COL10A1: variants seen among roughly 807,000 people sequenced by gnomAD.
COL10A1 encodes the protein collagen alpha-1(X) chain.
In COL10A1, 10 loss-of-function variants were observed where a neutral mutation model predicts 18.2. That is an observed-to-expected ratio of 0.55 (90% CI 0.34 to 0.93). COL10A1 has a LOEUF of 0.93. Ranked by LOEUF, COL10A1 falls within the 40% of genes least tolerant of loss-of-function variation. COL10A1 has a pLI of 0.02. For missense variants in COL10A1, 897 were observed against 853.5 expected (o/e 1.05, Z -0.64); for synonymous variants, 330 against 316.6 (o/e 1.04, Z -0.45).
the COL10A1 span, among the ~76,000 whole-genome samples, chr6:116,215,781 T>C: frequency 1.3e-5 from 2 of 152,230 alleles, no homozygotes; most frequent in South Asian, 4.1e-4. Flanking sequence ...CAATATGGCG[T>C]GGTGGGATTG....
chr6:116,126,909 T>C (rs973661168), upstream of COL10A1, among the ~76,000 whole-genome samples: 1 of 152,178 alleles, frequency 6.6e-6, no homozygotes, highest in African/African-American at 2.4e-5. Flanking sequence ...AGAAACACTT[T>C]CCCTCAAAGG....
Position 116,131,366 on chromosome 6 carries a change from T to G in COL10A1, c.-15-5859A>C, listed in dbSNP as rs559454099. Among the ~76,000 whole-genome samples, 3 of 152,344 alleles carry G rather than the reference T, an allele frequency of 2.0e-5. No homozygotes were observed. In the East Asian group the frequency reaches 5.8e-4, roughly 29 times the overall value. On this transcript the variant is annotated intron_variant, in intron 1 of 1. Coordinates refer to the COL10A1 transcript ENST00000418500. Reference sequence around the variant, plus strand: ...CTGTATGTAACTATTTTTAAAACATTGTTTTGATTTATCCTTTTTATTAAA... The same window carrying G: ...CTGTATGTAACTATTTTTAAAACATGGTTTTGATTTATCCTTTTTATTAAA...
rs1779270271 is a variant in COL10A1 at position 116,125,452 on chromosome 6, T to G, written c.41A>C (p.Asn14Thr). The part of the protein sequence containing the change: ...QIPFLLLVSL[N>T]LVHGVFYAER... ...AGCGTAAAACACTCCATGAACCAAG[T>G]TCAAGGATACTAGCAGCAAAAAGGG... Residue 14 changes from asparagine to threonine, a missense_variant, in exon 2 of 3, where the codon AAC becomes ACC. Coordinates refer to ENST00000651968, the MANE Select transcript of COL10A1 (RefSeq NM_000493.4). The G allele has an allele frequency of 6.2e-7, 1 of 1,613,796 alleles. No homozygotes were observed. The highest frequency in any genetic ancestry group is 1.7e-5 in the Admixed American group (1 of 59,996).
chr6:116,125,612 C>A, intron 1 of COL10A1, 105 bp from the exon 2 acceptor site: 1 of 977,572 alleles, frequency 1.0e-6, no homozygotes, highest in Non-Finnish European at 1.5e-6. Flanking sequence ...ACTTTTTTAA[C>A]CTATCCTATA....
At chr6:116,167,206 ATTTTTTTTTTTTTTT>A in the COL10A1 span, among the ~76,000 whole-genome samples, 1 of 87,816 alleles carries the variant, frequency 1.1e-5, no homozygotes, top group South Asian at 4.0e-4. Context: ...CAAATAGAAG[ATTTTTTTTTTTTTTT>A]TTTTTTTTTT....
the COL10A1 span, among the ~76,000 whole-genome samples, chr6:116,206,473 G>A: frequency 6.6e-6 from 1 of 151,930 alleles, no homozygotes; most frequent in Non-Finnish European, 1.5e-5. Context: ...TCTGATTTGG[G>A]TCCATACCAC....
At chr6:116,122,006 A>G (rs984928515) in intron 2 of COL10A1, 45 bp from the exon 3 acceptor site, 1 of 1,522,958 alleles carries the variant, frequency 6.6e-7, no homozygotes, top group Admixed American at 1.7e-5. Flanking sequence ...GGGGATGGTT[A>G]GTGACATTAA....
chr6:116,166,759 G>C, the COL10A1 span, among the ~76,000 whole-genome samples: 9 of 152,064 alleles, frequency 5.9e-5, no homozygotes, highest in African/African-American at 1.9e-4. Flanking sequence ...CTTTTATCTA[G>C]TAGTTACTTA....
chr6:116,122,079 G>T, intron 2 of COL10A1, 118 bp from the exon 3 acceptor site: 3 of 927,668 alleles, frequency 3.2e-6, no homozygotes, highest in Non-Finnish European at 3.5e-6. Context: ...TTTATTCCAT[G>T]TAGACAGAAC....
chr6:116,135,791 T>C (rs1397768501), intron 1 of COL10A1, among the ~76,000 whole-genome samples: 1 of 146,130 alleles, frequency 6.8e-6, no homozygotes, highest in African/African-American at 2.5e-5. Context: ...TTATAAGTGA[T>C]AAATTAAAAG....
chr6:116,152,376 G>A (rs1318293317), intron 1 of COL10A1, among the ~76,000 whole-genome samples: 3 of 151,954 alleles, frequency 2.0e-5, no homozygotes, highest in Non-Finnish European at 4.4e-5. Flanking sequence ...TCACCGTGAG[G>A]TAGATTCCCT....
At chr6:116,129,813 A>G (rs1342331151), upstream of COL10A1, among the ~76,000 whole-genome samples, 1 of 152,154 alleles carries the variant, frequency 6.6e-6, no homozygotes, top group Non-Finnish European at 1.5e-5. Context: ...CATCTGTCTC[A>G]TGCAATTTCC....
chr6:116,196,343 T>C, the COL10A1 span, among the ~76,000 whole-genome samples: 1 of 152,038 alleles, frequency 6.6e-6, no homozygotes, highest in Non-Finnish European at 1.5e-5. Flanking sequence ...TTGCTCTAAC[T>C]ACAGCAACAA....
chr6:116,135,067 A>AT (rs1240600656), intron 1 of COL10A1, among the ~76,000 whole-genome samples: 1 of 152,180 alleles, frequency 6.6e-6, no homozygotes, highest in Non-Finnish European at 1.5e-5. Context: ...TTATTGATAC[A>AT]TTGATTTATT....
the COL10A1 span, among the ~76,000 whole-genome samples, chr6:116,186,650 C>G: frequency 6.6e-6 from 1 of 151,972 alleles, no homozygotes; most frequent in African/African-American, 2.4e-5. Flanking sequence ...ACTTTTTCTT[C>G]TACTTGTTCG....
intron 1 of COL10A1, among the ~76,000 whole-genome samples, chr6:116,144,071 TGAG>T (rs1779831410): frequency 6.6e-6 from 1 of 152,184 alleles, no homozygotes; most frequent in South Asian, 2.1e-4. Context: ...ATTTTTATAA[TGAG>T]GATATTCAGA....
the COL10A1 span, among the ~76,000 whole-genome samples, chr6:116,172,754 T>C: frequency 6.6e-6 from 1 of 152,234 alleles, no homozygotes; most frequent in Non-Finnish European, 1.5e-5. Context: ...TATTTCTTTA[T>C]GTACTCAGGC....
intron 1 of COL10A1, among the ~76,000 whole-genome samples, chr6:116,141,899 C>CACAA (rs991647292): frequency 6.6e-5 from 10 of 150,656 alleles, no homozygotes; most frequent in African/African-American, 2.4e-4. Flanking sequence ...CACACACACA[C>CACAA]ACACACACAC....
chr6:116,198,579 A>G, the COL10A1 span, among the ~76,000 whole-genome samples: 1 of 151,890 alleles, frequency 6.6e-6, no homozygotes, highest in East Asian at 2.0e-4. Context: ...AAAAAATTTA[A>G]AAATAGCCAG....
Sources: gnomAD v4.1 joint callset for allele counts (sites outside exome capture counted in the v4.1 genomes callset) on GRCh38, gnomAD v4.1.1 for gene constraint, MANE v1.5 for transcripts, NCBI Gene and HGNC (gene_info 2026-07-23, HGNC 2026-07-21) for gene names.